Variants in MYO3A observed in about 807,000 individuals in gnomAD.
MYO3A encodes myosin-IIIa.
MYO3A carries 180 observed loss-of-function variants against 192.7 expected under a neutral mutation model. The ratio of observed to expected loss-of-function variants is 0.93; its 90% CI spans 0.83 to 1.06. MYO3A has a LOEUF of 1.06. Among genes scored for constraint, MYO3A ranks in the 50% least tolerant of loss-of-function variants. The probability of loss-of-function intolerance (pLI) is 0.00; values close to 1 mark genes in which losing one functional copy is unlikely to be tolerated. For synonymous variants in MYO3A, 628 were observed against 645.3 expected, an observed-to-expected ratio of 0.97 and a Z score of 0.41; for missense variants, 1,896 against 1,905.0, an observed-to-expected ratio of 1.00 and a Z score of 0.09.
At chr10:26,029,141 C>T (rs888238826) in intron 10 of MYO3A, among the ~76,000 whole-genome samples, 3 of 152,140 alleles carry the variant, frequency 2.0e-5, no homozygotes, top group Admixed American at 1.3e-4. Flanking sequence ...AGAATGGTTG[C>T]ACTACACAGT....
chr10:26,018,195 A>G (rs1016989567), intron 7 of MYO3A, among the ~76,000 whole-genome samples: 3 of 151,966 alleles, frequency 2.0e-5, no homozygotes, highest in Non-Finnish European at 4.4e-5. Context: ...GTAGGGCTTG[A>G]AAGTTCTTTC....
chr10:26,002,778 G>A (rs1311340976), intron 6 of MYO3A, among the ~76,000 whole-genome samples: 2 of 152,188 alleles, frequency 1.3e-5, no homozygotes, highest in Non-Finnish European at 2.9e-5. Flanking sequence ...TGAACATACT[G>A]ACATATTGAT....
At position 26,211,929 on chromosome 10, in the gene MYO3A, C is replaced by A; in HGVS notation, c.4817C>A (p.Thr1606Asn). Reference protein sequence around the residue: ...PYDFRRLLRKTSQRRRLVQQS With the variant: ...PYDFRRLLRKNSQRRRLVQQS ...GACTTCAGGAGGCTCCTGCGCAAAA[C>A]CTCCCAGCGCCGGCGCCTCGTCCAG... Residue 1606 changes from threonine (T) to asparagine (N), a missense_variant, in exon 35 of 35, where the codon ACC becomes AAC. By Grantham distance (65) the Thr-to-Asn change is moderately conservative. Transcript: ENST00000642920. 2 of 1,613,986 alleles carry A rather than the reference C, an allele frequency of 1.2e-6. No homozygotes were observed. Among genetic ancestry groups the A allele is most frequent in the Non-Finnish European group, 1.7e-6 (2 of 1,179,988 alleles).
chr10:26,187,251 T>G (rs1288578026), intron 31 of MYO3A, among the ~76,000 whole-genome samples: 1 of 152,040 alleles, frequency 6.6e-6, no homozygotes, highest in East Asian at 1.9e-4. Flanking sequence ...AAAAAAAAAT[T>G]CACAGTGAAA....
Position 26,174,427 on chromosome 10 carries a change from G to C in MYO3A, c.4163G>C (p.Arg1388Thr). ...GTCACAACACCAACAGAAGTAGCAA[G>C]AAACACTCATAATTTGTATTCCTAT... is the stretch of plus-strand genomic sequence containing the variant. Reference protein sequence around the residue: ...RIVTTPTEVARNTHNLYSYPT... With the variant: ...RIVTTPTEVATNTHNLYSYPT... The change falls in exon 30 of 35, where the codon AGA becomes ACA. Residue 1388 changes from arginine to threonine, a missense_variant. By Grantham distance (71) the Arg-to-Thr change is moderately conservative (BLOSUM62 -1). Coordinates refer to ENST00000642920, the MANE Select transcript of MYO3A (RefSeq NM_017433.5). 6.2e-7 allele frequency: 1 copy of C among 1,614,156 alleles called. No individual in the cohort carries two copies. The highest frequency in any genetic ancestry group is 8.5e-7 in the Non-Finnish European group (1 of 1,180,026).
intron 17 of MYO3A, among the ~76,000 whole-genome samples, chr10:26,112,949 G>A (rs1838280463): frequency 6.6e-6 from 1 of 152,022 alleles, no homozygotes; most frequent in South Asian, 2.1e-4. Flanking sequence ...TTTTCGGGGG[G>A]TTTTTTGCAC....
At chr10:26,199,066 C>T (rs1843553339) in intron 32 of MYO3A, among the ~76,000 whole-genome samples, 1 of 152,172 alleles carries the variant, frequency 6.6e-6, no homozygotes, top group Non-Finnish European at 1.5e-5. Flanking sequence ...ATCGTGCTCC[C>T]CTTTTAGCCC....
chr10:26,202,651 A>G, intron 33 of MYO3A: 1 of 350,532 alleles, frequency 2.9e-6, no homozygotes, highest in Non-Finnish European at 5.4e-6. Flanking sequence ...GCTGATCTGG[A>G]CTGGCCAAAC....
At chr10:26,123,697 C>G (rs1002613106) in intron 18 of MYO3A, among the ~76,000 whole-genome samples, 1 of 152,088 alleles carries the variant, frequency 6.6e-6, no homozygotes, top group South Asian at 2.1e-4. Flanking sequence ...GAGGCCAAGA[C>G]GGGCAGATCA....
At chr10:26,006,530 A>G (rs2130967093) in intron 6 of MYO3A, among the ~76,000 whole-genome samples, 1 of 152,322 alleles carries the variant, frequency 6.6e-6, no homozygotes, top group Non-Finnish European at 1.5e-5. Flanking sequence ...TAGATGCAAT[A>G]AAAAATGATA....
At chr10:26,076,955 T>G (rs1421529619) in intron 14 of MYO3A, among the ~76,000 whole-genome samples, 1 of 152,160 alleles carries the variant, frequency 6.6e-6, no homozygotes, top group East Asian at 1.9e-4. Context: ...TTCCTTTTGC[T>G]TAGTCTTGCT....
intron 31 of MYO3A, among the ~76,000 whole-genome samples, chr10:26,181,743 C>A (rs1842625922): frequency 7.0e-6 from 1 of 143,104 alleles, no homozygotes; most frequent in African/African-American, 2.6e-5. Context: ...GCAGTGTCAA[C>A]ATTTTGAAAA....
Position 26,161,920 on chromosome 10 carries a change from A to G in MYO3A, c.3000-4147A>G, listed in dbSNP as rs950613397. ...CACATTATACATTCAGCAAACGTTT[A>G]GTTGAGGGACCCACTGTGTTCCAGT... is the stretch of plus-strand genomic sequence containing the variant. On this transcript the variant is annotated intron_variant, in intron 26 of 34. Transcript: ENST00000642920. Among the ~76,000 whole-genome samples the G allele has an allele frequency of 5.9e-5, 9 of 152,312 alleles. No homozygotes were observed. The East Asian group carries it at 1.2e-3, about 20-fold the overall frequency.
At chr10:26,005,533 G>A (rs565266879) in intron 6 of MYO3A, among the ~76,000 whole-genome samples, 2 of 152,166 alleles carry the variant, frequency 1.3e-5, no homozygotes, top group Non-Finnish European at 2.9e-5. Flanking sequence ...TGAAGGTTGT[G>A]TAAGGGGAAT....
chr10:25,988,359 G>A (rs1839785083), intron 4 of MYO3A, among the ~76,000 whole-genome samples: 2 of 148,048 alleles, frequency 1.4e-5, no homozygotes, highest in African/African-American at 2.6e-5. Flanking sequence ...AAAACCTATT[G>A]AAATTTAAAA....
At chr10:26,054,515 G>A (rs1220202093) in intron 10 of MYO3A, among the ~76,000 whole-genome samples, 2 of 152,076 alleles carry the variant, frequency 1.3e-5, no homozygotes, top group East Asian at 1.9e-4. Context: ...GCTGAGTAAC[G>A]ACCCTCTGAG....
intron 14 of MYO3A, among the ~76,000 whole-genome samples, chr10:26,079,717 A>G (rs1835803620): frequency 6.6e-6 from 1 of 152,154 alleles, no homozygotes; most frequent in African/African-American, 2.4e-5. Flanking sequence ...TGGCTTGGTA[A>G]TGGTGAATTC....
intron 4 of MYO3A, among the ~76,000 whole-genome samples, chr10:25,990,962 G>A (rs186251407): frequency 2.4e-4 from 36 of 151,980 alleles, no homozygotes; most frequent in African/African-American, 3.9e-4. Context: ...GAGTAGTGCC[G>A]CAATAAACAT....
chr10:25,948,473 A>G (rs1837003099), intron 2 of MYO3A, among the ~76,000 whole-genome samples: 1 of 152,034 alleles, frequency 6.6e-6, no homozygotes, highest in South Asian at 2.1e-4. Flanking sequence ...TGTTAAATAT[A>G]TATGTTGAAA....
Sources: allele counts gnomAD v4.1 joint callset (sites outside exome capture counted in the v4.1 genomes callset), GRCh38; gene constraint gnomAD v4.1.1; transcripts MANE v1.5; gene names NCBI Gene and HGNC (gene_info 2026-07-23, HGNC 2026-07-21).